DNAJC24: variants seen among roughly 807,000 people sequenced by gnomAD.
DNAJC24 encodes dnaJ homolog subfamily C member 24.
DNAJC24 carries 17 observed loss-of-function variants against 18.0 expected under a neutral mutation model. That is an observed-to-expected ratio of 0.94 (90% CI 0.65 to 1.42). The LOEUF is 1.42. Among genes scored for constraint, DNAJC24 ranks in the 40% most tolerant of loss-of-function variants. The probability of loss-of-function intolerance (pLI) is 0.00; values close to 1 mark genes in which losing one functional copy is unlikely to be tolerated. For missense variants in DNAJC24, 158 were observed against 175.6 expected (o/e 0.90, Z 0.57); for synonymous variants, 55 against 57.7 (o/e 0.95, Z 0.21).
intron 2 of DNAJC24, among the ~76,000 whole-genome samples, chr11:31,405,614 A>T (rs1952649983): frequency 6.6e-6 from 1 of 151,916 alleles, no homozygotes; most frequent in Non-Finnish European, 1.5e-5. Flanking sequence ...AGTAACTGGG[A>T]CTGCATGCTA....
chr11:31,398,635 C>G (rs80119262), intron 2 of DNAJC24, among the ~76,000 whole-genome samples: 7,369 of 151,936 alleles, frequency 0.049, 262 homozygotes, highest in Non-Finnish European at 0.074. Flanking sequence ...GTTTTTTTCC[C>G]ATCTCAGGGG....
intron 4 of DNAJC24, chr11:31,428,108 T>C (rs1451310550): frequency 6.6e-6 from 1 of 151,904 alleles, no homozygotes; most frequent in African/African-American, 2.4e-5. Flanking sequence ...AATAAATACA[T>C]GGACTTTCTG....
chr11:31,394,464 G>C (rs1253559134), intron 2 of DNAJC24, among the ~76,000 whole-genome samples: 1 of 151,994 alleles, frequency 6.6e-6, no homozygotes, highest in Non-Finnish European at 1.5e-5. Context: ...TGATTAACGA[G>C]GTTCAACTAA....
intron 3 of DNAJC24, among the ~76,000 whole-genome samples, chr11:31,425,047 A>C (rs1219588494): frequency 6.6e-6 from 1 of 152,096 alleles, no homozygotes; most frequent in Non-Finnish European, 1.5e-5. Context: ...GCCTTTTAAA[A>C]CAAAGACAAA....
chr11:31,389,984 C>G lies in DNAJC24; in HGVS notation c.111+19125C>G, dbSNP rs192538957. 1.4e-3 allele frequency among the ~76,000 whole-genome samples: 207 copies of G among 152,170 alleles called. 1 individual carries two copies. The highest frequency in any genetic ancestry group is 4.6e-3 in the African/African-American group (190 of 41,524). ...AAATGTTAAAAGGAAACACAACATA[C>G]CAAAACCTATGGAATAAAGCAAAAG... On this transcript the variant is annotated intron_variant, in intron 2 of 4. Coordinates refer to ENST00000465995, the MANE Select transcript of DNAJC24 (RefSeq NM_181706.5).
At chr11:31,402,525 T>C (rs750804017) in intron 2 of DNAJC24, among the ~76,000 whole-genome samples, 4 of 152,226 alleles carry the variant, frequency 2.6e-5, no homozygotes, top group Non-Finnish European at 5.9e-5. Flanking sequence ...AAAAAAATTA[T>C]AGAGACAGGG....
chr11:31,370,797 G>A lies in DNAJC24; in HGVS notation c.49G>A (p.Gly17Arg), dbSNP rs1591893600. The A allele has an allele frequency of 1.9e-6, 3 of 1,613,132 alleles. No individual in the cohort carries two copies. Among genetic ancestry groups the A allele is most frequent in the Non-Finnish European group, 2.5e-6 (3 of 1,179,724 alleles). The change falls in exon 2 of 5, where the codon GGA (glycine) becomes AGA (arginine). Residue 17 changes from glycine (G) to arginine (R), a missense_variant. Gly to Arg is a moderately radical substitution (Grantham distance 125). Transcript: ENST00000465995. ...AAAAAAGGATTGGTACAGCATCCTG[G>A]GAGCAGACCCATCTGCAAATATATC... ...MPKKDWYSIL[G>R]ADPSANISDL...
rs117179035 is a variant in DNAJC24, at chr11:31,405,462, A to G, written c.112-9349A>G. ...TTAGTCCATTTCATGCTGCTATATC[A>G]GAATACCACAGACTAGCTAATCTTT... is the stretch of plus-strand genomic sequence containing the variant. On this transcript the variant is annotated intron_variant, in intron 2 of 4. Coordinates refer to ENST00000465995, the MANE Select transcript of DNAJC24 (RefSeq NM_181706.5). 2.6e-4 allele frequency among the ~76,000 whole-genome samples: 39 copies of G among 151,574 alleles called. 2 individuals are homozygous for G. The East Asian group carries it at 5.6e-3, about 22-fold the overall frequency.
chr11:31,388,082 AAAT>A (rs1003106156), intron 2 of DNAJC24, among the ~76,000 whole-genome samples: 2 of 152,132 alleles, frequency 1.3e-5, no homozygotes, highest in African/African-American at 4.8e-5. Context: ...AAAGAAAAAA[AAAT>A]AAAAAAAGAA....
chr11:31,429,678 A>G (rs993586206), intron 4 of DNAJC24: 2 of 213,606 alleles, frequency 9.4e-6, no homozygotes, highest in African/African-American at 4.5e-5. Context: ...ATTTGTAAAC[A>G]TCAAACACAC....
At chr11:31,399,116 A>T (rs999745077) in intron 2 of DNAJC24, among the ~76,000 whole-genome samples, 4 of 152,190 alleles carry the variant, frequency 2.6e-5, no homozygotes, top group African/African-American at 7.2e-5. Context: ...GATATTATGT[A>T]ACCCACTGCA....
intron 2 of DNAJC24, among the ~76,000 whole-genome samples, chr11:31,407,706 A>ATATAT (rs1182191428): frequency 1.1e-4 from 7 of 61,692 alleles, no homozygotes; most frequent in South Asian, 5.1e-4. Context: ...AAAAAAAAAA[A>ATATAT]ATATATATAT....
chr11:31,376,491 G>A (rs554762268), intron 2 of DNAJC24, among the ~76,000 whole-genome samples: 43 of 152,278 alleles, frequency 2.8e-4, no homozygotes, highest in African/African-American at 9.1e-4. Context: ...TTAGTAGCAC[G>A]TGTATTGTAC....
At chr11:31,394,051 T>G (rs1308062655) in intron 2 of DNAJC24, among the ~76,000 whole-genome samples, 1 of 152,166 alleles carries the variant, frequency 6.6e-6, no homozygotes. Flanking sequence ...AACATTAAAC[T>G]TAGGGCCAAC....
intron 2 of DNAJC24, among the ~76,000 whole-genome samples, chr11:31,399,684 T>A (rs1382655294): frequency 6.6e-6 from 1 of 150,410 alleles, no homozygotes; most frequent in Non-Finnish European, 1.5e-5. Context: ...AGTGCTGGGG[T>A]TACAGGCGTG....
Position 31,423,024 on chromosome 11 carries a change from T to G in DNAJC24, c.251-3263T>G, listed in dbSNP as rs574023626. Among the ~76,000 whole-genome samples the G allele has an allele frequency of 5.9e-5, 9 of 152,298 alleles. No homozygotes were observed. The South Asian group carries it at 1.9e-3, about 32-fold the overall frequency. ...TTCCCAAGTTAATCACCCCTAGCCT[T>G]TTTCAGAAATTGTTAGATTACCATC... On this transcript the variant is annotated intron_variant, in intron 3 of 4. Transcript: ENST00000465995.
chr11:31,402,963 A>G (rs1208401618), intron 2 of DNAJC24, among the ~76,000 whole-genome samples: 1 of 152,200 alleles, frequency 6.6e-6, no homozygotes, highest in Non-Finnish European at 1.5e-5. Context: ...GCTATTGTAT[A>G]TGCAGTTTGT....
chr11:31,384,803 G>A (rs1952412091), intron 2 of DNAJC24: 1 of 152,128 alleles, frequency 6.6e-6, no homozygotes, highest in Non-Finnish European at 1.5e-5. Flanking sequence ...TCAATAGCTA[G>A]TCTGAAGATA....
intron 2 of DNAJC24, among the ~76,000 whole-genome samples, chr11:31,407,706 A>T (rs10767896): frequency 0.51 from 31,027 of 61,404 alleles, 8,079 homozygotes; most frequent in African/African-American, 0.67. Flanking sequence ...AAAAAAAAAA[A>T]ATATATATAT....
Sources: allele counts gnomAD v4.1 joint callset (sites outside exome capture counted in the v4.1 genomes callset), GRCh38; gene constraint gnomAD v4.1.1; transcripts MANE v1.5; gene names NCBI Gene and HGNC (gene_info 2026-07-23, HGNC 2026-07-21).